The following PSD2 variants were observed in gnomAD, a reference collection of about 807,000 sequenced individuals.
PSD2 encodes the protein PH and SEC7 domain-containing protein 2.
In PSD2, 38 loss-of-function variants were observed where a neutral mutation model predicts 69.8. The ratio of observed to expected loss-of-function variants is 0.54; its 90% CI spans 0.42 to 0.71. PSD2 has a LOEUF of 0.71. Ranked by LOEUF, PSD2 falls within the 30% of genes least tolerant of loss-of-function variation. The pLI, the probability that PSD2 is intolerant of heterozygous loss-of-function variation, is 0.00. For synonymous variants in PSD2, 412 were observed against 423.0 expected (o/e 0.97, Z 0.32); for missense variants, 943 against 1,014.5 (o/e 0.93, Z 0.96).
chr5:139,759,163 G>A, the PSD2 span, among the ~76,000 whole-genome samples: 4 of 152,058 alleles, frequency 2.6e-5, no homozygotes, highest in South Asian at 2.1e-4. Flanking sequence ...CCCATTCTCC[G>A]TCTCTCCTGG....
Position 139,814,292 on chromosome 5 carries a change from A to C in PSD2, c.944A>C (p.His315Pro). 1 of 1,613,650 alleles carries C rather than the reference A, an allele frequency of 6.2e-7. No homozygotes were observed. Among genetic ancestry groups the C allele is most frequent in the Non-Finnish European group, 8.5e-7 (1 of 1,179,804 alleles). Residue 315 changes from histidine (H) to proline (P), a missense_variant, in exon 4 of 15, where the codon CAT becomes CCT. His to Pro is a moderately conservative substitution (Grantham distance 77, BLOSUM62 -2). This residue lies in a region of PSD2 where 466 missense variants were observed against 445.0 expected (regional missense o/e 1.05). Transcript: ENST00000274710. The surrounding 1 kb of genome is among the most constrained non-coding windows in gnomAD (Gnocchi z 4.4). Reference protein sequence around the residue: ...NGCQGVSEAAHRLARRLYHLE... With the variant: ...NGCQGVSEAAPRLARRLYHLE... ...TGCCAGGGGGTCAGTGAAGCTGCTC[A>C]TCGGCTGGCACGCCGTCTCTACCAC... is the stretch of plus-strand genomic sequence containing the variant.
At chr5:139,799,653 GC>G (rs1759618227) in intron 1 of PSD2, among the ~76,000 whole-genome samples, 1 of 152,162 alleles carries the variant, frequency 6.6e-6, no homozygotes, top group African/African-American at 2.4e-5. Context: ...AAAGAGACCA[GC>G]CAGGAGGCTG....
rs368556780 is a variant in PSD2 at position 139,817,527 on chromosome 5, G to A, written c.1063G>A (p.Asp355Asn). Residue 355 changes from aspartate (D) to asparagine (N), a missense_variant, in exon 5 of 15, where the codon GAC becomes AAC. Physicochemically the swap from Asp to Asn is conservative, Grantham distance 23 (BLOSUM62 1). Around this residue, in one of 3 missense-constraint regions of PSD2, gnomAD observed 312 missense variants for 400.7 expected, o/e 0.78. Coordinates refer to ENST00000274710, the MANE Select transcript of PSD2 (RefSeq NM_032289.4). ...GGCCGGGGAGTACCTCAGTTTCTTC[G>A]ACTTCTCGGGCTTGACTCTGGACGG... ...LVAGEYLSFF[D>N]FSGLTLDGAL... 130 of 1,614,022 alleles carry A rather than the reference G, an allele frequency of 8.1e-5. No individual in the cohort carries two copies. Among genetic ancestry groups the A allele is most frequent in the Non-Finnish European group, 9.7e-5 (114 of 1,180,014 alleles).
chr5:139,745,781 C>T, the PSD2 span, among the ~76,000 whole-genome samples: 3 of 152,200 alleles, frequency 2.0e-5, no homozygotes, highest in Non-Finnish European at 4.4e-5. Flanking sequence ...CCCAGGCTGT[C>T]AAGTGAAACA....
At chr5:139,765,794 G>T in the PSD2 span, among the ~76,000 whole-genome samples, 2 of 152,206 alleles carry the variant, frequency 1.3e-5, no homozygotes, top group Non-Finnish European at 2.9e-5. Flanking sequence ...CCGCACCCCT[G>T]CCCCGCATCT....
the PSD2 span, among the ~76,000 whole-genome samples, chr5:139,761,210 G>A: frequency 2.6e-5 from 4 of 152,154 alleles, no homozygotes; most frequent in African/African-American, 9.7e-5. Flanking sequence ...ATGACCACTT[G>A]TGAGTAAGAT....
At chr5:139,791,744 C>T (rs1759419665), upstream of PSD2, among the ~76,000 whole-genome samples, 1 of 152,244 alleles carries the variant, frequency 6.6e-6, no homozygotes, top group African/African-American at 2.4e-5. Context: ...ACCTCTCCAT[C>T]CTTCATGTAA....
the PSD2 span, among the ~76,000 whole-genome samples, chr5:139,774,766 A>G: frequency 2.6e-5 from 4 of 152,194 alleles, no homozygotes; most frequent in African/African-American, 9.7e-5. Context: ...CCAGGATTAC[A>G]GGCGTGAGCC....
chr5:139,751,711 C>T, the PSD2 span, among the ~76,000 whole-genome samples: 13 of 151,560 alleles, frequency 8.6e-5, no homozygotes, highest in Non-Finnish European at 1.8e-4. Flanking sequence ...CGCCCATCAT[C>T]AGGGAAGGAG....
the PSD2 span, among the ~76,000 whole-genome samples, chr5:139,789,754 A>C: frequency 6.6e-6 from 1 of 152,164 alleles, no homozygotes; most frequent in South Asian, 2.1e-4. Context: ...CCTATGGCCT[A>C]GTGATGGCAG....
the PSD2 span, among the ~76,000 whole-genome samples, chr5:139,773,410 C>T: frequency 6.6e-6 from 1 of 152,138 alleles, no homozygotes; most frequent in Non-Finnish European, 1.5e-5. Flanking sequence ...TACAGGCACA[C>T]ACCACCACAC....
chr5:139,762,481 C>T, the PSD2 span, among the ~76,000 whole-genome samples: 2 of 152,054 alleles, frequency 1.3e-5, 1 homozygote, highest in Middle Eastern at 6.8e-3. Flanking sequence ...GCTAGGACTA[C>T]AGGTGTGCAC....
the PSD2 span, among the ~76,000 whole-genome samples, chr5:139,774,726 G>A: frequency 3.9e-5 from 6 of 152,124 alleles, no homozygotes; most frequent in Non-Finnish European, 7.4e-5. Context: ...TCCTGACCTC[G>A]TGATCCGCCC....
upstream of PSD2, among the ~76,000 whole-genome samples, chr5:139,791,276 A>G (rs1759411268): frequency 6.6e-6 from 1 of 152,144 alleles, no homozygotes; most frequent in Admixed American, 6.5e-5. Context: ...CAAAAAATAT[A>G]AAAATTAGCT....
the PSD2 span, among the ~76,000 whole-genome samples, chr5:139,764,278 C>T: frequency 5.3e-5 from 8 of 152,188 alleles, no homozygotes; most frequent in African/African-American, 1.7e-4. Context: ...GTGGCCAGCT[C>T]GCGCCTGGCA....
chr5:139,795,335 G>C (rs1479084055), upstream of PSD2, among the ~76,000 whole-genome samples: 2 of 151,948 alleles, frequency 1.3e-5, no homozygotes, highest in East Asian at 3.9e-4. The surrounding 1 kb of genome is among the most constrained non-coding windows in gnomAD (Gnocchi z 4.5). Context: ...TCTCCCGGGG[G>C]CTGGCGTGTG....
Position 139,835,775 on chromosome 5 carries a change from T to G in PSD2, c.1403+9T>G, listed in dbSNP as rs752774322. 3.3e-5 allele frequency: 53 copies of G among 1,613,632 alleles called. No individual in the cohort carries two copies. Among genetic ancestry groups the G allele is most frequent in the Non-Finnish European group, 4.3e-5 (51 of 1,179,718 alleles). ...AAGCTGGAATGGGCCATGTGAGTAG[T>G]GACGATGGGCACAGGTATGGGGAGC... is the stretch of plus-strand genomic sequence containing the variant. On this transcript the variant is annotated intron_variant, in intron 9 of 14. Transcript: ENST00000274710.
Position 139,837,009 on chromosome 5 carries a change from T to C in PSD2, c.1594+8T>C. On this transcript the variant is annotated splice_region_variant and intron_variant, in intron 10 of 14. Coordinates refer to ENST00000274710, the MANE Select transcript of PSD2 (RefSeq NM_032289.4). The surrounding 1 kb of genome is among the most constrained non-coding windows in gnomAD (Gnocchi z 5.0). The stretch of plus-strand genomic sequence containing the variant: ...ACATGGATGGCAAGAGGAGTGGGTG[T>C]CAGGCTGGGAGAGGGGCATGGGAGG... 1 of 1,608,384 alleles carries C rather than the reference T, an allele frequency of 6.2e-7. No individual in the cohort carries two copies. Among genetic ancestry groups the C allele is most frequent in the Non-Finnish European group, 8.5e-7 (1 of 1,176,584 alleles).
chr5:139,831,673 C>T (rs1370861526), intron 7 of PSD2, among the ~76,000 whole-genome samples: 1 of 152,172 alleles, frequency 6.6e-6, no homozygotes, highest in Non-Finnish European at 1.5e-5. Flanking sequence ...CTTACATACT[C>T]CTGTTATCAT....
Sources: allele counts gnomAD v4.1 joint callset (sites outside exome capture counted in the v4.1 genomes callset), GRCh38; gene constraint gnomAD v4.1.1; regional missense constraint gnomAD v4.1.1; non-coding constraint Gnocchi (gnomAD v3.1); transcripts MANE v1.5; gene names NCBI Gene and HGNC (gene_info 2026-07-23, HGNC 2026-07-21).